Variants in MTCH1 observed in about 807,000 individuals in gnomAD.
MTCH1 encodes mitochondrial carrier homolog 1.
MTCH1 carries 23 observed loss-of-function variants against 49.3 expected under a neutral mutation model. The observed-to-expected ratio is 0.47, with a 90% CI of 0.34 to 0.66. The LOEUF is 0.66. Among genes scored for constraint, MTCH1 ranks in the 30% least tolerant of loss-of-function variants. MTCH1 has a pLI of 0.01. For missense variants in MTCH1, 397 were observed against 532.1 expected, an observed-to-expected ratio of 0.75 and a Z score of 2.50; for synonymous variants, 229 against 215.2, an observed-to-expected ratio of 1.06 and a Z score of -0.56.
rs763729135 is a variant in MTCH1 at position 36,981,678 on chromosome 6, GAATT to G, written c.322-10_322-7del. 3.7e-6 allele frequency: 6 copies of G among 1,610,720 alleles called. No individual in the cohort carries two copies. In the Admixed American group the frequency reaches 1.0e-4, roughly 27 times the overall value. ...GGCATCGGCTCATGACCCACCTTCA[GAATT>G]AACAAAGACAAAGGGACGCTCAGAG... On this transcript the variant is annotated splice_region_variant and splice_polypyrimidine_tract_variant and intron_variant, in intron 1 of 11. Coordinates refer to ENST00000373627, the MANE Select transcript of MTCH1 (RefSeq NM_001271641.2).
At chr6:36,981,506 C>T (rs959751722) in intron 2 of MTCH1, 82 bp downstream of exon 2, 1 of 1,339,048 alleles carries the variant, frequency 7.5e-7, no homozygotes, top group Non-Finnish European at 1.0e-6. Context: ...GCAGTGAGTT[C>T]CCCGGGGCCA....
At chr6:36,969,630 G>A (rs950849964) in intron 11 of MTCH1, 80 of 1,187,502 alleles carry the variant, frequency 6.7e-5, no homozygotes, top group Non-Finnish European at 8.1e-5. Context: ...GGGAGGAGTC[G>A]GTTTCCAATG....
At chr6:36,979,871 T>C (rs1025598755) in intron 2 of MTCH1, among the ~76,000 whole-genome samples, 6 of 152,194 alleles carry the variant, frequency 3.9e-5, no homozygotes, top group Admixed American at 3.9e-4. Context: ...TTTCTCTCCA[T>C]TTCTGAGAGA....
intron 1 of MTCH1, 74 bp downstream of exon 1, chr6:36,985,779 C>T: frequency 6.6e-7 from 1 of 1,509,906 alleles, no homozygotes; most frequent in Non-Finnish European, 8.9e-7. Context: ...GACTGCCCGC[C>T]CCAATCCTCC....
intron 10 of MTCH1, 100 bp downstream of exon 10, chr6:36,970,306 G>C: frequency 6.6e-7 from 1 of 1,515,864 alleles, no homozygotes; most frequent in Non-Finnish European, 9.1e-7. Context: ...CCTACACACA[G>C]AGCAGGTGGG....
At chr6:36,970,512 C>T (rs1037944395) in intron 9 of MTCH1, 39 bp from the exon 10 acceptor site, 17 of 1,611,414 alleles carry the variant, frequency 1.1e-5, no homozygotes, top group African/African-American at 9.3e-5. Context: ...TGACCCACCC[C>T]GGCCCAGGGA....
rs552773502 is a variant in MTCH1 at position 36,985,496 on chromosome 6, G to C, written c.321+357C>G. ...TTGCTTCTTCCCTCGCCCCAAATTC[G>C]CTCCCTTCCCTATCCCAAGTCCATC... On this transcript the variant is annotated intron_variant, in intron 1 of 11. Coordinates refer to ENST00000373627, the MANE Select transcript of MTCH1 (RefSeq NM_001271641.2). 1.5e-4 allele frequency among the ~76,000 whole-genome samples: 23 copies of C among 149,930 alleles called. No homozygotes were observed. The South Asian group carries it at 4.0e-3, about 26-fold the overall frequency.
rs371904600 is a variant in MTCH1, at chr6:36,981,686, A to G, written c.322-14T>C. On this transcript the variant is annotated splice_polypyrimidine_tract_variant and intron_variant, in intron 1 of 11. Coordinates refer to ENST00000373627, the MANE Select transcript of MTCH1 (RefSeq NM_001271641.2). ...CTCATGACCCACCTTCAGAATTAAC[A>G]AAGACAAAGGGACGCTCAGAGTCTC... 2 of 1,608,992 alleles carry G rather than the reference A, an allele frequency of 1.2e-6. No homozygotes were observed. The highest frequency in any genetic ancestry group is 1.3e-5 in the African/African-American group (1 of 74,712).
In MTCH1 at chr6:36,977,472, A is replaced by G. The variant is rs1395348933; in HGVS notation, c.649+162T>C. Among the ~76,000 whole-genome samples, 3 of 151,862 alleles carry G rather than the reference A, an allele frequency of 2.0e-5. No individual in the cohort carries two copies. Among genetic ancestry groups the G allele is most frequent in the African/African-American group, 7.3e-5 (3 of 41,328 alleles). The stretch of plus-strand genomic sequence containing the variant: ...CCACCTCCCTTTGGAAAGAATTCCA[A>G]TCTCTCCTCAGTGAGGTGGGTTCCA... On this transcript the variant is annotated intron_variant, in intron 5 of 11. Coordinates refer to ENST00000373627, the MANE Select transcript of MTCH1 (RefSeq NM_001271641.2). The surrounding 1 kb of genome is among the most constrained non-coding windows in gnomAD (Gnocchi z 5.4).
At chr6:36,981,779 A>C in intron 1 of MTCH1, 107 bp from the exon 2 acceptor site, 3 of 891,238 alleles carry the variant, frequency 3.4e-6, no homozygotes, top group Non-Finnish European at 5.0e-6. Context: ...TCTCCCACAA[A>C]TTCTAATGTG....
Position 36,986,109 on chromosome 6 carries a change from G to T in MTCH1, c.65C>A (p.Ala22Asp). ...GCCGCGAGCTCCGGCTCCAGCTCCG[G>T]CTCCCGCCATCCCCGCGGCACCGCC... ...ARGGAAGMAG[A>D]GAGAGARGGA... The change falls in exon 1 of 12, where the codon GCC becomes GAC. Residue 22 changes from alanine (A) to aspartate (D), a missense_variant. By Grantham distance (126) the Ala-to-Asp change is moderately radical. This residue lies in a region of MTCH1 where 145 missense variants were observed against 143.8 expected (regional missense o/e 1.01). Coordinates refer to ENST00000373627, the MANE Select transcript of MTCH1 (RefSeq NM_001271641.2). The T allele has an allele frequency of 7.0e-7, 1 of 1,438,444 alleles. No homozygotes were observed. Among genetic ancestry groups the T allele is most frequent in the Non-Finnish European group, 9.0e-7 (1 of 1,106,388 alleles). 89.1% of individuals were successfully genotyped at this position (1,438,444 alleles called of 1,614,324 possible).
At chr6:36,985,658 T>C (rs904499720) in intron 1 of MTCH1, among the ~76,000 whole-genome samples, 195 bp downstream of exon 1, 1 of 151,940 alleles carries the variant, frequency 6.6e-6, no homozygotes, top group Admixed American at 6.6e-5. Context: ...TTCTGTATCC[T>C]AAAACCCGTG....
At chr6:36,981,770 C>A (rs1464039379) in intron 1 of MTCH1, 98 bp from the exon 2 acceptor site, 12 of 999,822 alleles carry the variant, frequency 1.2e-5, no homozygotes, top group Non-Finnish European at 1.6e-5. Flanking sequence ...CTTAACTCTT[C>A]TCCCACAAAT....
chr6:36,978,407 G>A (rs1181783689), intron 3 of MTCH1, 98 bp downstream of exon 3: 1 of 1,262,584 alleles, frequency 7.9e-7, no homozygotes, highest in African/African-American at 1.5e-5. Context: ...CAATGGTCTG[G>A]GAAGGAGGAG....
At chr6:36,970,617 T>G (rs774011706) in intron 9 of MTCH1, 30 bp downstream of exon 9, 1 of 1,613,914 alleles carries the variant, frequency 6.2e-7, no homozygotes, top group South Asian at 1.1e-5. Flanking sequence ...CGCAAGGCAG[T>G]GGGAAGGAAG....
At position 36,968,866 on chromosome 6, in the gene MTCH1, T is replaced by G. The variant is rs748349904; in HGVS notation, c.*37A>C. Reference sequence around the variant, plus strand: ...CAAGGTGGTCAGGCCTCACCCACGGTGGCCAGGTTGAGACCGTGTTTTTTA... The same window carrying G: ...CAAGGTGGTCAGGCCTCACCCACGGGGGCCAGGTTGAGACCGTGTTTTTTA... On this transcript the variant is annotated 3_prime_UTR_variant, in exon 12 of 12. Coordinates refer to ENST00000373627, the MANE Select transcript of MTCH1 (RefSeq NM_001271641.2). 8.7e-6 allele frequency: 14 copies of G among 1,613,278 alleles called. No individual in the cohort carries two copies. In the African/African-American group the frequency reaches 1.3e-4, roughly 15 times the overall value.
intron 7 of MTCH1, among the ~76,000 whole-genome samples, chr6:36,974,435 C>A (rs1205897845): frequency 6.6e-6 from 1 of 152,166 alleles, no homozygotes; most frequent in Non-Finnish European, 1.5e-5. Context: ...GAACTCCTGG[C>A]CTCAAGTAAT....
At chr6:36,976,111 G>A (rs1309293568) in intron 6 of MTCH1, among the ~76,000 whole-genome samples, 2 of 152,274 alleles carry the variant, frequency 1.3e-5, no homozygotes, top group South Asian at 2.1e-4. Context: ...CCACAGGCCC[G>A]CCCAAGAGTA....
rs1160974736 is a variant in MTCH1, at chr6:36,982,085, A to C, written c.322-413T>G. ...AACCTCAATTCCAAATGTGGCAATA[A>C]GAAAATACATCATACCCAAACCTCA... On this transcript the variant is annotated intron_variant, in intron 1 of 11. Transcript: ENST00000373627. This position sits in a 1 kb window ranked among gnomAD's most constrained non-coding sequence, Gnocchi z 4.1. Among the ~76,000 whole-genome samples, 2 of 152,262 alleles carry C rather than the reference A, an allele frequency of 1.3e-5. No individual in the cohort carries two copies. The highest frequency in any genetic ancestry group is 4.8e-5 in the African/African-American group (2 of 41,472).
Sources: allele counts gnomAD v4.1 joint callset (sites outside exome capture counted in the v4.1 genomes callset), GRCh38; gene constraint gnomAD v4.1.1; regional missense constraint gnomAD v4.1.1; non-coding constraint Gnocchi (gnomAD v3.1); transcripts MANE v1.5; gene names NCBI Gene and HGNC (gene_info 2026-07-23, HGNC 2026-07-21).